The following FHL2 variants were observed in gnomAD, a reference collection of about 807,000 sequenced individuals.
FHL2 encodes four and a half LIM domains protein 2.
FHL2 carries 20 observed loss-of-function variants against 32.7 expected under a neutral mutation model. That is an observed-to-expected ratio of 0.61 (90% confidence interval 0.43 to 0.89). The LOEUF is 0.89. FHL2 is among the 40% of genes least tolerant of loss of function. The pLI is 0.00. For missense variants in FHL2, 311 were observed against 358.6 expected (o/e 0.87, Z 1.07); for synonymous variants, 123 against 128.1 (o/e 0.96, Z 0.27).
At chr2:105,423,879 G>T (rs1372326463) in intron 1 of FHL2, among the ~76,000 whole-genome samples, 2 of 152,170 alleles carry the variant, frequency 1.3e-5, no homozygotes, top group Non-Finnish European at 2.9e-5. Context: ...ATTGACTCAA[G>T]ATGGGTTAAA....
upstream of FHL2, among the ~76,000 whole-genome samples, chr2:105,400,751 ATAGAGT>A (rs953895707): frequency 4.6e-5 from 5 of 108,820 alleles, no homozygotes; most frequent in Admixed American, 2.0e-4. Flanking sequence ...TTTTTTACTG[ATAGAGT>A]TATTTAGTTC....
chr2:105,401,365 A>G (rs575548888), upstream of FHL2, among the ~76,000 whole-genome samples: 9 of 152,306 alleles, frequency 5.9e-5, no homozygotes, highest in South Asian at 1.9e-3. Context: ...TATACGAAAT[A>G]CTATCAGCCA....
chr2:105,379,053 T>C (rs1032628341), intron 3 of FHL2, among the ~76,000 whole-genome samples: 3 of 152,164 alleles, frequency 2.0e-5, no homozygotes, highest in African/African-American at 4.8e-5. Flanking sequence ...AGCACGTGAT[T>C]AAATTGCTTG....
At chr2:105,417,277 G>C (rs536853851) in intron 1 of FHL2, among the ~76,000 whole-genome samples, 1 of 152,234 alleles carries the variant, frequency 6.6e-6, no homozygotes, top group Admixed American at 6.5e-5. Context: ...AGCTACTCGG[G>C]AGGCTGAGGC....
intron 1 of FHL2, 49 bp from the exon 2 acceptor site, chr2:105,396,746 G>T: frequency 1.9e-6 from 3 of 1,565,660 alleles, no homozygotes; most frequent in Non-Finnish European, 2.6e-6. Context: ...TTGAGGAAGC[G>T]AACTCAGTAT....
intron 1 of FHL2, among the ~76,000 whole-genome samples, chr2:105,418,656 T>G (rs1684006448): frequency 1.3e-5 from 2 of 152,170 alleles, no homozygotes; most frequent in Admixed American, 1.3e-4. Context: ...GATATATCTC[T>G]CTATAAAGTG....
At chr2:105,381,957 A>C (rs148177641) in intron 3 of FHL2, among the ~76,000 whole-genome samples, 1 of 152,164 alleles carries the variant, frequency 6.6e-6, no homozygotes, top group African/African-American at 2.4e-5. Context: ...TTCAAACCTG[A>C]CCTTACACCT....
chr2:105,396,638 T>G lies in FHL2; in HGVS notation c.-25+9A>C. The stretch of plus-strand genomic sequence containing the variant: ...ATTTAGGATAACAGAGGAAATTCAC[T>G]TGACTCACCCCAAAGTCAAAATGCC... On this transcript the variant is annotated intron_variant, in intron 2 of 6. Coordinates refer to ENST00000530340, the MANE Select transcript of FHL2 (RefSeq NM_001318895.3). The G allele has an allele frequency of 6.2e-7, 1 of 1,612,080 alleles. No individual in the cohort carries two copies. Among genetic ancestry groups the G allele is most frequent in the South Asian group, 1.1e-5 (1 of 91,016 alleles).
chr2:105,426,657 G>A (rs776156686), intron 1 of FHL2, among the ~76,000 whole-genome samples: 3 of 152,184 alleles, frequency 2.0e-5, no homozygotes, highest in African/African-American at 7.2e-5. Context: ...CAAAGACCCC[G>A]AAACAATGCA....
chr2:105,381,966 C>T (rs1457891333), intron 3 of FHL2, among the ~76,000 whole-genome samples: 1 of 152,100 alleles, frequency 6.6e-6, no homozygotes. Context: ...GACCTTACAC[C>T]TTTCACTAGG....
At chr2:105,409,051 G>C (rs1294309084) in intron 1 of FHL2, among the ~76,000 whole-genome samples, 1 of 152,182 alleles carries the variant, frequency 6.6e-6, no homozygotes, top group East Asian at 1.9e-4. Flanking sequence ...GGCTGAGAGA[G>C]GGTGTTGTGG....
intron 1 of FHL2, among the ~76,000 whole-genome samples, chr2:105,433,583 C>T (rs1272618842): frequency 6.6e-6 from 1 of 152,124 alleles, no homozygotes; most frequent in Non-Finnish European, 1.5e-5. Flanking sequence ...TTAAATCTGG[C>T]TTCCCCTGTA....
At chr2:105,399,076 C>A, upstream of FHL2, 1 of 1,487,966 alleles carries the variant, frequency 6.7e-7, no homozygotes, top group Non-Finnish European at 8.9e-7. Context: ...CTCCCGCCCT[C>A]GAGAAACCCC....
intron 1 of FHL2, among the ~76,000 whole-genome samples, chr2:105,415,036 T>C (rs1683895120): frequency 6.6e-6 from 1 of 152,272 alleles, no homozygotes; most frequent in African/African-American, 2.4e-5. Context: ...TATATTAGTA[T>C]ATGTTTGTTG....
intron 1 of FHL2, among the ~76,000 whole-genome samples, chr2:105,404,757 T>C (rs1683574655): frequency 6.6e-6 from 1 of 152,244 alleles, no homozygotes; most frequent in African/African-American, 2.4e-5. Flanking sequence ...TCTGCCATGC[T>C]CTGGTTAGGA....
intron 3 of FHL2, chr2:105,375,459 G>T (rs909723428): frequency 6.6e-6 from 1 of 152,184 alleles, no homozygotes; most frequent in Admixed American, 6.5e-5. Flanking sequence ...CCAACATGGC[G>T]AAACCCTATC....
Position 105,394,199 on chromosome 2 carries a change from C to T in FHL2, c.-25+2448G>A, listed in dbSNP as rs540256133. Reference sequence around the variant, plus strand: ...AACACTCTTCATTTGTCTAGCTAAACGGGTTGTTTTAAACAGAAATTCTGA... The same window carrying T: ...AACACTCTTCATTTGTCTAGCTAAATGGGTTGTTTTAAACAGAAATTCTGA... On this transcript the variant is annotated intron_variant, in intron 2 of 6. Transcript: ENST00000530340. 2.4e-4 allele frequency among the ~76,000 whole-genome samples: 37 copies of T among 152,212 alleles called. No homozygotes were observed. In the East Asian group the frequency reaches 4.8e-3, roughly 20 times the overall value.
chr2:105,368,434 G>A (rs1680791967), intron 4 of FHL2, among the ~76,000 whole-genome samples: 1 of 152,120 alleles, frequency 6.6e-6, no homozygotes, highest in South Asian at 2.1e-4. Context: ...TGGGCTCCAG[G>A]GAAACTCCTG....
At chr2:105,412,558 G>A (rs917037105) in intron 1 of FHL2, among the ~76,000 whole-genome samples, 4 of 152,220 alleles carry the variant, frequency 2.6e-5, no homozygotes, top group Non-Finnish European at 5.9e-5. Context: ...TAGCCAAATG[G>A]TAGGTAAAAA....
Sources: gnomAD v4.1 joint callset for allele counts (sites outside exome capture counted in the v4.1 genomes callset) on GRCh38, gnomAD v4.1.1 for gene constraint, MANE v1.5 for transcripts, NCBI Gene and HGNC (gene_info 2026-07-23, HGNC 2026-07-21) for gene names.